The following CCDC122 variants were observed in gnomAD, a reference collection of about 807,000 sequenced individuals.
The protein encoded by CCDC122 is coiled-coil domain containing 122.
CCDC122 carries 38 observed loss-of-function variants against 37.0 expected under a neutral mutation model. That is an observed-to-expected ratio of 1.03 (90% CI 0.79 to 1.35). CCDC122 has a LOEUF of 1.35. CCDC122 is among the 40% of genes most tolerant of loss of function. The probability of loss-of-function intolerance (pLI) is 0.00; values close to 1 mark genes in which losing one functional copy is unlikely to be tolerated. For synonymous variants in CCDC122, 83 were observed against 95.6 expected (o/e 0.87, Z 0.77); for missense variants, 305 against 310.0 (o/e 0.98, Z 0.12).
downstream of CCDC122, among the ~76,000 whole-genome samples, chr13:43,820,928 G>A (rs1276490530): frequency 6.6e-6 from 1 of 152,158 alleles, no homozygotes; most frequent in Non-Finnish European, 1.5e-5. Flanking sequence ...ATGCTATTGA[G>A]AATATTCTTG....
intron 4 of CCDC122, among the ~76,000 whole-genome samples, chr13:43,861,875 A>G (rs1954115975): frequency 1.3e-5 from 2 of 152,108 alleles, no homozygotes; most frequent in South Asian, 4.1e-4. Flanking sequence ...ACCACTTTCC[A>G]CCTGGATACT....
chr13:43,845,060 T>C (rs1953474051), intron 6 of CCDC122, among the ~76,000 whole-genome samples: 1 of 152,070 alleles, frequency 6.6e-6, no homozygotes, highest in South Asian at 2.1e-4. Context: ...TCATTTTCTG[T>C]CTTCTTTTGG....
At chr13:43,848,082 T>G (rs1377770802) in intron 6 of CCDC122, among the ~76,000 whole-genome samples, 1 of 152,162 alleles carries the variant, frequency 6.6e-6, no homozygotes, top group African/African-American at 2.4e-5. Flanking sequence ...GGCTCTGGGT[T>G]TTTCTCATAG....
At chr13:43,864,346 G>T (rs1237717420) in intron 4 of CCDC122, among the ~76,000 whole-genome samples, 1 of 152,106 alleles carries the variant, frequency 6.6e-6, no homozygotes, top group Admixed American at 6.5e-5. Flanking sequence ...TCCATTCTGT[G>T]TTGCTAAAAT....
chr13:43,859,641 A>G (rs757815089), intron 5 of CCDC122, 31 bp downstream of exon 5: 3 of 1,449,036 alleles, frequency 2.1e-6, no homozygotes, highest in Non-Finnish European at 2.7e-6. Flanking sequence ...GAGTAATAGA[A>G]AAAATAGTTT....
intron 6 of CCDC122, among the ~76,000 whole-genome samples, chr13:43,840,558 C>T (rs1402593136): frequency 6.6e-6 from 1 of 151,784 alleles, no homozygotes; most frequent in Non-Finnish European, 1.5e-5. Flanking sequence ...GGCCCCGGTG[C>T]GTGATGTGAT....
intron 2 of CCDC122, among the ~76,000 whole-genome samples, chr13:43,874,062 G>C (rs1015656878): frequency 6.6e-6 from 1 of 152,032 alleles, no homozygotes; most frequent in African/African-American, 2.4e-5. Context: ...GGTCTTTCTC[G>C]ATCTTTCTGG....
chr13:43,837,603 CAT>C (rs1211076066), intron 6 of CCDC122, among the ~76,000 whole-genome samples, 174 bp from the exon 7 acceptor site: 1 of 149,224 alleles, frequency 6.7e-6, no homozygotes, highest in Non-Finnish European at 1.5e-5. Context: ...ACACTTATTA[CAT>C]GTTAGATACT....
chr13:43,860,096 T>C, intron 4 of CCDC122, 26 bp from the exon 5 acceptor site: 1 of 1,230,316 alleles, frequency 8.1e-7, no homozygotes, highest in Non-Finnish European at 1.1e-6. Context: ...ACATTATCAT[T>C]ATTAATTCAA....
In CCDC122 at chr13:43,825,769, C is replaced by CAAAA. The variant is rs58173578; in HGVS notation, n.602-1762_602-1759dup. Among the ~76,000 whole-genome samples, 89 of 73,368 alleles carry CAAAA rather than the reference C, an allele frequency of 1.2e-3. 1 individual carries two copies. Among genetic ancestry groups the CAAAA allele is most frequent in the African/African-American group, 4.3e-3 (82 of 18,976 alleles). The allele number at this position is 73,368 out of a possible 152,430, so 48.1% of individuals were successfully genotyped here. On this transcript the variant is annotated intron_variant and non_coding_transcript_variant, in intron 3 of 3. Transcript: ENST00000470137. ...TGGGCGACGGAGTGAGACTCCGTCT[C>CAAAA]AAAAAAAAAAAAAAAAAAAAGGGAG...
intron 6 of CCDC122, among the ~76,000 whole-genome samples, chr13:43,851,860 G>A (rs74068100): frequency 6.6e-6 from 1 of 152,016 alleles, no homozygotes; most frequent in African/African-American, 2.4e-5. Flanking sequence ...GGAACAGAGC[G>A]TTGGCCCTTA....
At chr13:43,821,975 C>T, downstream of CCDC122, among the ~76,000 whole-genome samples, 1 of 152,170 alleles carries the variant, frequency 6.6e-6, no homozygotes, top group Admixed American at 6.5e-5. Context: ...CTCTGTTTCT[C>T]CAGGATTGGT....
downstream of CCDC122, among the ~76,000 whole-genome samples, chr13:43,832,396 T>C (rs1953098156): frequency 6.6e-6 from 1 of 152,178 alleles, no homozygotes; most frequent in Non-Finnish European, 1.5e-5. Flanking sequence ...CACATAGCCC[T>C]ATAATAACCT....
At chr13:43,838,593 G>A (rs1953241197) in intron 6 of CCDC122, among the ~76,000 whole-genome samples, 2 of 152,156 alleles carry the variant, frequency 1.3e-5, no homozygotes, top group South Asian at 4.1e-4. Context: ...ACTCTATGAA[G>A]TTACCAACCA....
At chr13:43,856,909 T>C (rs1953931556) in intron 6 of CCDC122, among the ~76,000 whole-genome samples, 1 of 151,430 alleles carries the variant, frequency 6.6e-6, no homozygotes, top group South Asian at 2.1e-4. Context: ...TTATAATTTG[T>C]GTACTTACTC....
At chr13:43,876,340 T>C (rs572933247) in intron 1 of CCDC122, among the ~76,000 whole-genome samples, 2 of 152,288 alleles carry the variant, frequency 1.3e-5, no homozygotes, top group East Asian at 3.9e-4. Flanking sequence ...TTCTTTAAAA[T>C]TATACTTGTT....
At chr13:43,843,000 A>G (rs2153870674) in intron 6 of CCDC122, among the ~76,000 whole-genome samples, 1 of 152,066 alleles carries the variant, frequency 6.6e-6, no homozygotes, top group South Asian at 2.1e-4. Flanking sequence ...TCCAATCTTT[A>G]TGCCTTATAT....
intron 6 of CCDC122, among the ~76,000 whole-genome samples, chr13:43,850,248 A>G (rs1252270620): frequency 6.6e-6 from 1 of 152,188 alleles, no homozygotes; most frequent in Non-Finnish European, 1.5e-5. Context: ...ATCTTAAAGC[A>G]TAATACCCAA....
exon 4 of CCDC122, chr13:43,823,988 T>C (rs1466712115): frequency 4.6e-5 from 7 of 152,254 alleles, no homozygotes; most frequent in African/African-American, 1.4e-4. Context: ...TGGTGCAGGC[T>C]TCTATTGGGT....
Sources: gnomAD v4.1 joint callset for allele counts (sites outside exome capture counted in the v4.1 genomes callset) on GRCh38, gnomAD v4.1.1 for gene constraint, MANE v1.5 for transcripts, NCBI Gene and HGNC (gene_info 2026-07-23, HGNC 2026-07-21) for gene names.